Variants in ABTB2 observed in about 807,000 individuals in gnomAD.
ABTB2 encodes ankyrin repeat and BTB domain containing 2.
Under a neutral mutation model 104.1 loss-of-function variants are expected in ABTB2, and 56 were observed. The ratio of observed to expected loss-of-function variants is 0.54; its 90% CI spans 0.43 to 0.67. The LOEUF is 0.67. Among genes scored for constraint, ABTB2 ranks in the 30% least tolerant of loss-of-function variants. ABTB2 has a pLI of 0.00. For missense variants in ABTB2, 1,279 were observed against 1,407.7 expected, an observed-to-expected ratio of 0.91 and a Z score of 1.46; for synonymous variants, 606 against 608.2, an observed-to-expected ratio of 1.00 and a Z score of 0.05.
In ABTB2 at chr11:34,154,769, T is replaced by A; in HGVS notation, c.2698A>T (p.Met900Leu). Residue 900 changes from methionine to leucine, a missense_variant and splice_region_variant, in exon 15 of 17, where the codon ATG becomes TTG. Coordinates refer to ENST00000435224, the MANE Select transcript of ABTB2 (RefSeq NM_145804.3). This position sits in a 1 kb window ranked among gnomAD's most constrained non-coding sequence, Gnocchi z 4.9. ...ISDMKYHIFQ[M>L]MMQYLYYGGT... is the part of the protein sequence containing the mutation. ...CCGTAGTACAGATACTGCATCATCA[T>A]CTGTGGTGGGAAGAGGCCCATGTGA... 1 of 1,614,008 alleles carries A rather than the reference T, an allele frequency of 6.2e-7. No homozygotes were observed. The highest frequency in any genetic ancestry group is 1.3e-5 in the African/African-American group (1 of 75,034).
At chr11:34,254,568 C>T (rs1174988194) in intron 1 of ABTB2, among the ~76,000 whole-genome samples, 1 of 152,134 alleles carries the variant, frequency 6.6e-6, no homozygotes, top group Admixed American at 6.5e-5. Context: ...TTTATTAAAA[C>T]CTGTTTCCTT....
chr11:34,252,386 C>T lies in ABTB2; in HGVS notation c.884-47696G>A, dbSNP rs1445162550. On this transcript the variant is annotated intron_variant, in intron 1 of 16. Coordinates refer to ENST00000435224, the MANE Select transcript of ABTB2 (RefSeq NM_145804.3). The surrounding 1 kb of genome is among the most constrained non-coding windows in gnomAD (Gnocchi z 5.5). ...TTAGGAATAGGTGTCTTTGGAGCAT[C>T]CAGGCAGCTGATAATGACCACTGCT... is the stretch of plus-strand genomic sequence containing the variant. Among the ~76,000 whole-genome samples the T allele has an allele frequency of 1.3e-5, 2 of 152,202 alleles. No individual in the cohort carries two copies. The highest frequency in any genetic ancestry group is 1.9e-4 in the East Asian group (1 of 5,196).
intron 1 of ABTB2, among the ~76,000 whole-genome samples, chr11:34,332,615 T>C (rs902461898): frequency 6.6e-6 from 1 of 152,126 alleles, no homozygotes; most frequent in African/African-American, 2.4e-5. Flanking sequence ...GACCCACTCC[T>C]GGCCCTCAGC....
intron 1 of ABTB2, among the ~76,000 whole-genome samples, chr11:34,331,343 G>A (rs752054363): frequency 3.3e-5 from 5 of 152,164 alleles, no homozygotes; most frequent in Non-Finnish European, 7.4e-5. Flanking sequence ...ACCATAAAAC[G>A]CAAGGAGTAA....
chr11:34,307,776 G>A (rs549814965), intron 1 of ABTB2, among the ~76,000 whole-genome samples: 18 of 151,276 alleles, frequency 1.2e-4, no homozygotes, highest in South Asian at 2.1e-4. Context: ...TCGGCTCACC[G>A]CAACCTCCGT....
At chr11:34,238,732 G>A (rs974590639) in intron 1 of ABTB2, among the ~76,000 whole-genome samples, 7 of 152,118 alleles carry the variant, frequency 4.6e-5, no homozygotes, top group African/African-American at 1.7e-4. Context: ...TTCTTTCCTT[G>A]TGTTTGATCC....
chr11:34,270,063 C>G (rs1241400384), intron 1 of ABTB2, among the ~76,000 whole-genome samples: 1 of 152,216 alleles, frequency 6.6e-6, no homozygotes, highest in Non-Finnish European at 1.5e-5. Context: ...ACACTCCAGA[C>G]CAGCCCTTTT....
chr11:34,196,814 A>G (rs1853262440), intron 3 of ABTB2, among the ~76,000 whole-genome samples: 2 of 152,232 alleles, frequency 1.3e-5, no homozygotes, highest in African/African-American at 4.8e-5. Flanking sequence ...CTCCTGTGTT[A>G]AATGAATGGA....
At chr11:34,250,456 C>G (rs1045893310) in intron 1 of ABTB2, among the ~76,000 whole-genome samples, 2 of 152,192 alleles carry the variant, frequency 1.3e-5, no homozygotes, top group African/African-American at 4.8e-5. Flanking sequence ...TCCTTCCTTG[C>G]CCAAATAGCT....
chr11:34,341,604 GT>G lies in ABTB2; in HGVS notation c.883+15096del, dbSNP rs1274096076. On this transcript the variant is annotated intron_variant, in intron 1 of 16. Transcript: ENST00000435224. ...TGTGACTTGCATGACTGAGGAAATG[GT>G]TTTTTTTAACCTTATCGAATTTGAA... Among the ~76,000 whole-genome samples the G allele has an allele frequency of 3.9e-5, 6 of 152,118 alleles. No individual in the cohort carries two copies. In the East Asian group the frequency reaches 9.7e-4, roughly 24 times the overall value.
intron 1 of ABTB2, among the ~76,000 whole-genome samples, chr11:34,321,674 T>A (rs1009967553): frequency 1.3e-5 from 2 of 152,248 alleles, no homozygotes; most frequent in Non-Finnish European, 2.9e-5. Flanking sequence ...CACCTTGGCC[T>A]GCATCAAGAT....
intron 1 of ABTB2, among the ~76,000 whole-genome samples, chr11:34,265,572 C>T (rs571397114): frequency 1.8e-4 from 27 of 148,246 alleles, no homozygotes; most frequent in Non-Finnish European, 3.9e-4. Flanking sequence ...AGACGAGAAT[C>T]GCTTGAACCC....
intron 1 of ABTB2, among the ~76,000 whole-genome samples, chr11:34,307,552 G>A (rs971829652): frequency 6.6e-6 from 1 of 152,200 alleles, no homozygotes; most frequent in African/African-American, 2.4e-5. Context: ...CATAGACCCT[G>A]TTCATGGCTC....
chr11:34,171,187 A>G, intron 4 of ABTB2, 116 bp from the exon 5 acceptor site: 1 of 1,124,216 alleles, frequency 8.9e-7, no homozygotes, highest in South Asian at 1.5e-5. Flanking sequence ...GGTGGGAAGC[A>G]CCAGGGAGTT....
At chr11:34,190,272 CAA>C (rs61052853) in intron 3 of ABTB2, among the ~76,000 whole-genome samples, 4 of 115,104 alleles carry the variant, frequency 3.5e-5, no homozygotes, top group Admixed American at 9.4e-5. Flanking sequence ...GCTGCCCCCC[CAA>C]AAAAAAAAAA....
chr11:34,154,308 G>A lies in ABTB2; in HGVS notation c.2837C>T (p.Thr946Ile). Residue 946 changes from threonine (T) to isoleucine (I), a missense_variant, in exon 16 of 17, where the codon ACC becomes ATC. Coordinates refer to ENST00000435224, the MANE Select transcript of ABTB2 (RefSeq NM_145804.3). The surrounding 1 kb of genome is among the most constrained non-coding windows in gnomAD (Gnocchi z 4.9). ...QRHCEILCSQ[T>I]LSMESAVNTY... ...GTTCACGGCACTCTCCATGCTGAGG[G>A]TCTGGGAGCACAGGATCTCGCAGTG... is the stretch of plus-strand genomic sequence containing the variant. 6.2e-7 allele frequency: 1 copy of A among 1,614,136 alleles called. No homozygotes were observed. The highest frequency in any genetic ancestry group is 1.3e-5 in the African/African-American group (1 of 75,064).
In ABTB2 at chr11:34,265,696, C is replaced by T. The variant is rs536178162; in HGVS notation, c.884-61006G>A. On this transcript the variant is annotated intron_variant, in intron 1 of 16. Coordinates refer to ENST00000435224, the MANE Select transcript of ABTB2 (RefSeq NM_145804.3). ...AAAAAAAAAAAAAAAAAGCCGGGCA[C>T]GGTGGCTCATGCCTGTAAACCCAAC... Among the ~76,000 whole-genome samples, 15 of 137,886 alleles carry T rather than the reference C, an allele frequency of 1.1e-4. No homozygotes were observed. In the East Asian group the frequency reaches 2.3e-3, roughly 21 times the overall value. 90.5% of individuals were successfully genotyped at this position (137,886 alleles called of 152,430 possible).
chr11:34,280,231 C>T (rs753958497), intron 1 of ABTB2, among the ~76,000 whole-genome samples: 3 of 152,042 alleles, frequency 2.0e-5, no homozygotes, highest in Non-Finnish European at 4.4e-5. Flanking sequence ...TGGGACCTAG[C>T]GTGTGCAGGC....
intron 2 of ABTB2, among the ~76,000 whole-genome samples, chr11:34,203,532 G>A (rs1293471578): frequency 6.6e-6 from 1 of 152,160 alleles, no homozygotes; most frequent in Non-Finnish European, 1.5e-5. Context: ...GGGCCCCTCA[G>A]GGGACAGGGG....
Sources: gnomAD v4.1 joint callset for allele counts (sites outside exome capture counted in the v4.1 genomes callset) on GRCh38, gnomAD v4.1.1 for gene constraint, Gnocchi (gnomAD v3.1) non-coding constraint, MANE v1.5 for transcripts, NCBI Gene and HGNC (gene_info 2026-07-23, HGNC 2026-07-21) for gene names.